Variants in ABCC1 observed in about 807,000 individuals in gnomAD.
ABCC1 encodes multidrug resistance-associated protein 1.
In ABCC1, 83 loss-of-function variants were observed where a neutral mutation model predicts 172.9. The observed-to-expected ratio is 0.48, with a 90% confidence interval of 0.40 to 0.58. ABCC1 has a LOEUF of 0.58. Among genes scored for constraint, ABCC1 ranks in the 20% least tolerant of loss-of-function variants. The pLI is 0.00. For missense variants in ABCC1, 1,817 were observed against 2,002.7 expected (o/e 0.91, Z 1.77); for synonymous variants, 937 against 825.2 (o/e 1.14, Z -2.32).
chr16:16,106,841 C>T lies in ABCC1; in HGVS notation c.2839C>T (p.Leu947=). The change falls in exon 21 of 31, where the codon CTG becomes TTG. Residue 947 remains leucine, a synonymous_variant. Coordinates refer to ENST00000399410, the MANE Select transcript of ABCC1 (RefSeq NM_004996.4). Reference sequence around the variant, plus strand: ...GGCCAAGAAGGAGGAGACCTGGAAGCTGATGGAGGCTGACAAGGCGCAGAC... The same window carrying T: ...GGCCAAGAAGGAGGAGACCTGGAAGTTGATGGAGGCTGACAAGGCGCAGAC... ...AEAKKEETWK[L]MEADKAQTGQ... is the part of the protein sequence containing the mutation. 1 of 1,614,158 alleles carries T rather than the reference C, an allele frequency of 6.2e-7. No individual in the cohort carries two copies. Among genetic ancestry groups the T allele is most frequent in the Non-Finnish European group, 8.5e-7 (1 of 1,180,044 alleles).
intron 1 of ABCC1, among the ~76,000 whole-genome samples, chr16:15,966,249 C>G (rs769829557): frequency 6.6e-6 from 1 of 150,818 alleles, no homozygotes; most frequent in Non-Finnish European, 1.5e-5. Context: ...CCCATCTCTA[C>G]TAAAAATACA....
chr16:16,005,932 T>G (rs2047513691), intron 1 of ABCC1, among the ~76,000 whole-genome samples: 1 of 150,856 alleles, frequency 6.6e-6, no homozygotes, highest in South Asian at 2.1e-4. Context: ...AAGCAGAGAT[T>G]GCAGTGAGCT....
intron 6 of ABCC1, among the ~76,000 whole-genome samples, chr16:16,034,307 G>A (rs76012765): frequency 0.053 from 7,995 of 151,990 alleles, 238 homozygotes; most frequent in Middle Eastern, 0.12. Flanking sequence ...GATTACAGGC[G>A]TGAACCACCA....
At chr16:16,001,650 A>G (rs1164605962) in intron 1 of ABCC1, among the ~76,000 whole-genome samples, 3 of 152,198 alleles carry the variant, frequency 2.0e-5, no homozygotes, top group Non-Finnish European at 1.5e-5. Flanking sequence ...TTTTAAATCC[A>G]TATGGAAAGA....
At chr16:15,950,670 C>T (rs999266592) in intron 1 of ABCC1, among the ~76,000 whole-genome samples, 1 of 152,214 alleles carries the variant, frequency 6.6e-6, no homozygotes, top group Non-Finnish European at 1.5e-5. Flanking sequence ...TGCGATTTGC[C>T]TCTTTGTTCC....
At chr16:16,104,891 CGGGCTGGCG>C (rs953167419) in intron 20 of ABCC1, among the ~76,000 whole-genome samples, 1 of 152,194 alleles carries the variant, frequency 6.6e-6, no homozygotes, top group Non-Finnish European at 1.5e-5. Context: ...CCTCACTACC[CGGGCTGGCG>C]GGGCTGCCCG....
At position 16,014,648 on chromosome 16, in the gene ABCC1, C is replaced by T. The variant is rs774093990; in HGVS notation, c.489+20C>T. On this transcript the variant is annotated intron_variant, in intron 4 of 30. Transcript: ENST00000399410. ...AAAGAGGTAAGTGGCAGTCTCCTTC[C>T]TCATCTTCCTTCAGTGGACCCGGAG... The T allele has an allele frequency of 2.5e-6, 4 of 1,612,240 alleles. No homozygotes were observed. The South Asian group carries it at 4.4e-5, about 18-fold the overall frequency.
intron 14 of ABCC1, among the ~76,000 whole-genome samples, chr16:16,072,560 G>C (rs35619): frequency 6.1e-5 from 9 of 146,546 alleles, no homozygotes; most frequent in Admixed American, 1.4e-4. Context: ...TTGGTCTTGA[G>C]CTCCTGGGCT....
chr16:15,975,874 G>A (rs747102841), intron 1 of ABCC1, among the ~76,000 whole-genome samples: 19 of 152,140 alleles, frequency 1.2e-4, no homozygotes, highest in Non-Finnish European at 2.8e-4. Context: ...TTTGTTGAAT[G>A]AGTGTTTAAT....
chr16:15,957,235 A>G (rs1345204355), intron 1 of ABCC1, among the ~76,000 whole-genome samples: 2 of 147,438 alleles, frequency 1.4e-5, no homozygotes, highest in Non-Finnish European at 3.0e-5. Context: ...ACACACCACC[A>G]TGCCCAGCTA....
chr16:16,102,858 C>T, intron 20 of ABCC1, 141 bp downstream of exon 20: 1 of 779,662 alleles, frequency 1.3e-6, no homozygotes. Context: ...CCTCCAAGGA[C>T]CTTGCTTTTC....
At chr16:16,088,048 A>G (rs1394611540) in intron 18 of ABCC1, among the ~76,000 whole-genome samples, 3 of 152,190 alleles carry the variant, frequency 2.0e-5, no homozygotes, top group Admixed American at 6.5e-5. Flanking sequence ...GAAAATTACT[A>G]AGTAATACAT....
In ABCC1 at chr16:16,009,887, T is replaced by C. The variant is rs767774905; in HGVS notation, c.337T>C (p.Leu113=). Residue 113 remains leucine, a synonymous_variant, in exon 3 of 31, where the codon TTG becomes CTG. Transcript: ENST00000399410. ...APVFLVSPTL[L]GITMLLATFL... is the part of the protein sequence containing the mutation. The stretch of plus-strand genomic sequence containing the variant: ...AGTGTTTCTGGTCAGCCCAACTCTC[T>C]TGGGCATCACCATGGTAAGTAGGAG... The C allele has an allele frequency of 1.4e-5, 23 of 1,605,412 alleles. No homozygotes were observed. In the East Asian group the frequency reaches 5.2e-4, roughly 36 times the overall value.
chr16:15,979,494 C>A (rs2046571883), intron 1 of ABCC1, among the ~76,000 whole-genome samples: 1 of 134,860 alleles, frequency 7.4e-6, no homozygotes, highest in African/African-American at 2.9e-5. Flanking sequence ...GGCTTATTCT[C>A]TCTCTCTCTC....
intron 13 of ABCC1, among the ~76,000 whole-genome samples, chr16:16,069,956 GGAGGTTGCC>G (rs1407568875): frequency 5.3e-5 from 8 of 152,096 alleles, no homozygotes; most frequent in South Asian, 2.1e-4. Flanking sequence ...CCTGGGAGGT[GGAGGTTGCC>G]GAGGTTGCAG....
chr16:16,063,652 T>TGGGGTTCCAGGCATGGCTGGATCTA (rs1331869713), intron 12 of ABCC1, among the ~76,000 whole-genome samples: 8 of 152,124 alleles, frequency 5.3e-5, no homozygotes, highest in Non-Finnish European at 1.5e-5. Context: ...TAAGCATGAA[T>TGGGGTTCCAGGCATGGCTGGATCTA]GGGGTTCCAG....
At chr16:16,119,453 C>G (rs551819091) in intron 23 of ABCC1, among the ~76,000 whole-genome samples, 4 of 151,788 alleles carry the variant, frequency 2.6e-5, no homozygotes, top group Admixed American at 6.6e-5. Context: ...AACATCAGAT[C>G]GGCAGGGCAG....
At chr16:16,066,955 G>A (rs1464985175) in intron 12 of ABCC1, among the ~76,000 whole-genome samples, 1 of 151,644 alleles carries the variant, frequency 6.6e-6, no homozygotes, top group Non-Finnish European at 1.5e-5. Flanking sequence ...TTACCGCTTA[G>A]AAGATGGGAG....
intron 1 of ABCC1, among the ~76,000 whole-genome samples, chr16:15,976,416 T>C (rs2046492892): frequency 1.3e-5 from 2 of 152,184 alleles, no homozygotes; most frequent in South Asian, 4.1e-4. Flanking sequence ...TGTGATTGTT[T>C]CTACCTTATG....
Sources: allele counts gnomAD v4.1 joint callset (sites outside exome capture counted in the v4.1 genomes callset), GRCh38; gene constraint gnomAD v4.1.1; transcripts MANE v1.5; gene names NCBI Gene and HGNC (gene_info 2026-07-23, HGNC 2026-07-21).